SRGAP2C: variants seen among roughly 807,000 people sequenced by gnomAD.
SRGAP2C encodes SLIT-ROBO Rho GTPase-activating protein 2C.
In SRGAP2C, 15 loss-of-function variants were observed where a neutral mutation model predicts 25.1. That is an observed-to-expected ratio of 0.60 (90% confidence interval 0.40 to 0.92). The LOEUF is 0.92. Among genes scored for constraint, SRGAP2C ranks in the 40% least tolerant of loss-of-function variants. SRGAP2C has a pLI of 0.00. For missense variants in SRGAP2C, 144 were observed against 264.4 expected (o/e 0.54, Z 3.16); for synonymous variants, 44 against 96.6 (o/e 0.46, Z 3.19).
intron 3 of SRGAP2C, among the ~76,000 whole-genome samples, chr1:121,285,424 ACT>A (rs1657340792): frequency 6.8e-6 from 1 of 146,818 alleles, no homozygotes; most frequent in East Asian, 2.1e-4. Flanking sequence ...ACACACACAC[ACT>A]CACACTCACA....
At position 121,351,335 on chromosome 1, in the gene SRGAP2C, C is replaced by A. The variant is rs587726292; in HGVS notation, c.424-13958C>A. 2.0e-5 allele frequency among the ~76,000 whole-genome samples: 3 copies of A among 152,054 alleles called. No individual in the cohort carries two copies. In the South Asian group the frequency reaches 6.2e-4, roughly 32 times the overall value. On this transcript the variant is annotated intron_variant, in intron 4 of 9. Coordinates refer to ENST00000367123, the MANE Select transcript of SRGAP2C (RefSeq NM_001329984.2). Reference sequence around the variant, plus strand: ...CATTATTCAAAATAACCAGGCTGGGCACGGTGGCTCACGCCTGTAATCCTA... The same window carrying A: ...CATTATTCAAAATAACCAGGCTGGGAACGGTGGCTCACGCCTGTAATCCTA...
intron 4 of SRGAP2C, among the ~76,000 whole-genome samples, chr1:121,328,904 A>C (rs1349664340): frequency 2.7e-4 from 32 of 116,728 alleles, no homozygotes; most frequent in Admixed American, 5.1e-4. Flanking sequence ...AAAAAAAAAA[A>C]ACAAAAAACA....
intron 3 of SRGAP2C, among the ~76,000 whole-genome samples, chr1:121,314,197 C>G (rs1553340307): frequency 7.8e-6 from 1 of 127,732 alleles, no homozygotes; most frequent in Admixed American, 8.0e-5. Context: ...TGCTGATACC[C>G]TTTCTTCCAG....
intron 4 of SRGAP2C, among the ~76,000 whole-genome samples, chr1:121,328,889 T>TA (rs1300958463): frequency 9.8e-4 from 74 of 75,192 alleles, no homozygotes; most frequent in African/African-American, 2.0e-3. Context: ...CCTGTCTGTT[T>TA]AAAAAAAAAA....
Position 121,351,589 on chromosome 1 carries a change from G to A in SRGAP2C, c.424-13704G>A, listed in dbSNP as rs587616497. ...CGCGCCACTGCACTCCAGCCTGGGC[G>A]ACAGAGCGAGACTCCATCTCAAAAT... On this transcript the variant is annotated intron_variant, in intron 4 of 9. Coordinates refer to ENST00000367123, the MANE Select transcript of SRGAP2C (RefSeq NM_001329984.2). Among the ~76,000 whole-genome samples, 64 of 138,742 alleles carry A rather than the reference G, an allele frequency of 4.6e-4. 2 individuals carry two copies. The highest frequency in any genetic ancestry group is 4.0e-3 in the Admixed American group (55 of 13,912). 91.0% of individuals were successfully genotyped at this position (138,742 alleles called of 152,430 possible). A position where few individuals can be genotyped will look rare whatever the true frequency, so the allele number is the denominator to read the frequency against.
At chr1:121,218,486 CA>C (rs1454814436) in intron 2 of SRGAP2C, among the ~76,000 whole-genome samples, 1 of 106,316 alleles carries the variant, frequency 9.4e-6, no homozygotes, top group Non-Finnish European at 1.8e-5. Context: ...GCTGGGATTA[CA>C]GGCACATGTC....
intron 2 of SRGAP2C, among the ~76,000 whole-genome samples, chr1:121,272,749 G>T (rs1191594536): frequency 6.6e-6 from 1 of 151,108 alleles, no homozygotes; most frequent in Non-Finnish European, 1.5e-5. Context: ...ACACATCTAG[G>T]TTCAAATCCT....
Position 121,195,176 on chromosome 1 carries a change from C to T in SRGAP2C, c.67+7663C>T, listed in dbSNP as rs1654799513. 2.0e-5 allele frequency among the ~76,000 whole-genome samples: 3 copies of T among 152,082 alleles called. No individual in the cohort carries two copies. The South Asian group carries it at 6.2e-4, about 32-fold the overall frequency. ...CTGTAATCCCAGCACTTTGAGAGGC[C>T]AAGGCAGATGGATCACCTGAGGTCA... is the stretch of plus-strand genomic sequence containing the variant. On this transcript the variant is annotated intron_variant, in intron 2 of 9. Transcript: ENST00000367123.
rs1413878836 is a variant in SRGAP2C, at chr1:121,383,170, G to A, written c.1056+245G>A. Among the ~76,000 whole-genome samples the A allele has an allele frequency of 8.2e-4, 124 of 150,366 alleles. 1 individual carries two copies. The highest frequency in any genetic ancestry group is 1.7e-3 in the South Asian group (8 of 4,696). On this transcript the variant is annotated intron_variant, in intron 8 of 9. Coordinates refer to ENST00000367123, the MANE Select transcript of SRGAP2C (RefSeq NM_001329984.2). ...AGCTTACAGTCTGGGGAATAAGGTC[G>A]CTAAGGCTTGAGGAGGGTTCAAACT... is the stretch of plus-strand genomic sequence containing the variant.
intron 2 of SRGAP2C, among the ~76,000 whole-genome samples, chr1:121,201,539 T>C (rs1444358233): frequency 3.3e-5 from 5 of 152,356 alleles, no homozygotes; most frequent in African/African-American, 1.2e-4. Flanking sequence ...GTGTTAAATC[T>C]CCTTACTCTT....
intron 2 of SRGAP2C, among the ~76,000 whole-genome samples, chr1:121,204,351 A>T (rs1442711408): frequency 6.6e-6 from 1 of 150,924 alleles, no homozygotes; most frequent in Admixed American, 6.6e-5. Context: ...GGGTGGTTGT[A>T]TAGATAAACT....
intron 4 of SRGAP2C, among the ~76,000 whole-genome samples, chr1:121,347,809 C>G (rs1466591329): frequency 3.3e-5 from 5 of 151,108 alleles, no homozygotes; most frequent in African/African-American, 1.2e-4. Context: ...TGACCTGCAG[C>G]TCCACACATG....
chr1:121,218,145 A>AT (rs1169966548), intron 2 of SRGAP2C, among the ~76,000 whole-genome samples: 1 of 81,950 alleles, frequency 1.2e-5, no homozygotes, highest in Non-Finnish European at 2.3e-5. Context: ...CTTGAGAAGT[A>AT]TTTAACAGGT....
chr1:121,291,375 G>A, intron 3 of SRGAP2C, among the ~76,000 whole-genome samples: 1 of 150,686 alleles, frequency 6.6e-6, no homozygotes, highest in Non-Finnish European at 1.5e-5. Flanking sequence ...CAGGTATCCA[G>A]GTGGAGACGG....
chr1:121,198,938 G>A (rs1553321198), intron 2 of SRGAP2C, among the ~76,000 whole-genome samples: 1 of 152,180 alleles, frequency 6.6e-6, no homozygotes, highest in African/African-American at 2.4e-5. Context: ...CATGATTTTA[G>A]AGATAACTCA....
intron 4 of SRGAP2C, among the ~76,000 whole-genome samples, chr1:121,336,167 A>T (rs1216147581): frequency 6.6e-6 from 1 of 152,162 alleles, no homozygotes; most frequent in East Asian, 1.9e-4. Context: ...AGCACCTAAG[A>T]TGACCAACTA....
chr1:121,372,941 C>T (rs1225749168), intron 5 of SRGAP2C, among the ~76,000 whole-genome samples: 1 of 97,798 alleles, frequency 1.0e-5, no homozygotes, highest in Non-Finnish European at 2.2e-5. Context: ...CTCTAATTAT[C>T]CCTCTCAAAG....
intron 2 of SRGAP2C, among the ~76,000 whole-genome samples, chr1:121,198,246 GA>G (rs1240523963): frequency 2.1e-5 from 3 of 145,838 alleles, no homozygotes; most frequent in African/African-American, 7.6e-5. Context: ...TATATTTTAG[GA>G]TATCATCCTT....
intron 2 of SRGAP2C, among the ~76,000 whole-genome samples, chr1:121,250,181 G>T (rs1656320967): frequency 1.5e-5 from 1 of 65,458 alleles, no homozygotes; most frequent in Admixed American, 1.6e-4. Flanking sequence ...TAGTAGGAGA[G>T]TAAGAACAAA....
Sources: gnomAD v4.1 joint callset for allele counts (sites outside exome capture counted in the v4.1 genomes callset) on GRCh38, gnomAD v4.1.1 for gene constraint, MANE v1.5 for transcripts, NCBI Gene and HGNC (gene_info 2026-07-23, HGNC 2026-07-21) for gene names.